Variants in FOXP2 observed in about 807,000 individuals in gnomAD.
FOXP2 encodes forkhead box protein P2.
Under a neutral mutation model 115.8 loss-of-function variants are expected in FOXP2, and 12 were observed. The observed-to-expected ratio is 0.10, with a 90% CI of 0.07 to 0.17. The LOEUF is 0.17. Ranked by LOEUF, FOXP2 falls within the 10% of genes least tolerant of loss-of-function variation. The pLI is 1.00. For synonymous variants in FOXP2, 328 were observed against 297.7 expected, an observed-to-expected ratio of 1.10 and a Z score of -1.05; for missense variants, 629 against 843.5, an observed-to-expected ratio of 0.75 and a Z score of 3.15.
intron 1 of FOXP2, among the ~76,000 whole-genome samples, chr7:114,228,741 C>G (rs1478782612): frequency 6.6e-6 from 1 of 151,132 alleles, no homozygotes; most frequent in Non-Finnish European, 1.5e-5. Context: ...GATGAAAATA[C>G]CTATAGAAGG....
At chr7:114,410,936 T>A (rs1033407183), upstream of FOXP2, among the ~76,000 whole-genome samples, 2 of 152,166 alleles carry the variant, frequency 1.3e-5, no homozygotes, top group African/African-American at 4.8e-5. Flanking sequence ...TTTATTCATT[T>A]AGGCAACAAA....
intron 2 of FOXP2, among the ~76,000 whole-genome samples, chr7:114,454,159 A>G (rs1795189557): frequency 6.6e-6 from 1 of 151,394 alleles, no homozygotes; most frequent in African/African-American, 2.4e-5. Flanking sequence ...AATGAACTCA[A>G]ACAAATTTAC....
chr7:114,690,723 A>G lies in FOXP2; in HGVS notation c.*797A>G, dbSNP rs1808622242. The stretch of plus-strand genomic sequence containing the variant: ...GTGATAAAGCTTTGTCTACCTGCAA[A>G]CACAGTCAAAGGCTACAGCTGCAAA... On this transcript the variant is annotated 3_prime_UTR_variant, in exon 17 of 17. Transcript: ENST00000350908. 1 of 454,516 alleles carries G rather than the reference A, an allele frequency of 2.2e-6. No individual in the cohort carries two copies. The highest frequency in any genetic ancestry group is 4.4e-6 in the Non-Finnish European group (1 of 226,778). The allele number at this position is 454,516 out of a possible 1,614,324, so 28.2% of individuals were successfully genotyped here.
chr7:114,196,034 G>A (rs1054425339), intron 1 of FOXP2, among the ~76,000 whole-genome samples: 4 of 151,848 alleles, frequency 2.6e-5, no homozygotes, highest in Admixed American at 6.6e-5. Flanking sequence ...TATTTATTGC[G>A]GCAGAGTCTC....
chr7:114,126,951 T>G (rs1413771754), intron 1 of FOXP2, among the ~76,000 whole-genome samples: 2 of 152,192 alleles, frequency 1.3e-5, no homozygotes, highest in East Asian at 1.9e-4. Flanking sequence ...TCATAGTTTT[T>G]GGGGTTCAGG....
intron 1 of FOXP2, among the ~76,000 whole-genome samples, chr7:114,260,741 C>G (rs1795727674): frequency 6.6e-6 from 1 of 151,944 alleles, no homozygotes; most frequent in South Asian, 2.1e-4. Context: ...TTTATTCTTT[C>G]CAATTTAAAA....
At chr7:114,362,060 A>C (rs1177674114) in intron 2 of FOXP2, among the ~76,000 whole-genome samples, 1 of 152,016 alleles carries the variant, frequency 6.6e-6, no homozygotes, top group Non-Finnish European at 1.5e-5. Context: ...TGATATGATG[A>C]AACTATGGTG....
intron 1 of FOXP2, among the ~76,000 whole-genome samples, chr7:114,145,680 G>A (rs1792352704): frequency 6.6e-6 from 1 of 151,898 alleles, no homozygotes; most frequent in Non-Finnish European, 1.5e-5. Context: ...ACTGAAGAAG[G>A]CTAAAATGCT....
rs181540189 is a variant in FOXP2 at position 114,120,294 on chromosome 7, T to G, written c.-247+32456T>G. Among the ~76,000 whole-genome samples, 4 of 152,222 alleles carry G rather than the reference T, an allele frequency of 2.6e-5. No individual in the cohort carries two copies. The East Asian group carries it at 7.7e-4, about 29-fold the overall frequency. ...CACATGCTAGGAGAAGAGAGATAAG[T>G]GTGGCTAAAGAAATTTACTGGATTA... On this transcript the variant is annotated intron_variant, in intron 1 of 19. Coordinates refer to the FOXP2 transcript ENST00000635638.
chr7:114,314,280 A>G (rs186995395), intron 2 of FOXP2, among the ~76,000 whole-genome samples: 1 of 150,048 alleles, frequency 6.7e-6, no homozygotes, highest in Non-Finnish European at 1.5e-5. Flanking sequence ...AATATATATA[A>G]TATATGAAAC....
In FOXP2 at chr7:114,426,630, C is replaced by T. The variant is rs185960561; in HGVS notation, c.119C>T (p.Thr40Ile). ...GSRDGRSSGDTSSEVSTVELL... is the reference protein window; with the variant it reads ...GSRDGRSSGDISSEVSTVELL... ...AGAGATGGAAGATCAAGTGGTGACA[C>T]CAGCTCTGAAGTAAGCACAGTAGAA... The change falls in exon 2 of 17, where the codon ACC becomes ATC. Residue 40 changes from threonine (T) to isoleucine (I), a missense_variant. Physicochemically the swap from Thr to Ile is moderately conservative, Grantham distance 89. Around this residue, in one of 9 missense-constraint regions of FOXP2, gnomAD observed 91 missense variants for 98.3 expected, o/e 0.93. Coordinates refer to ENST00000350908, the MANE Select transcript of FOXP2 (RefSeq NM_014491.4). The T allele has an allele frequency of 1.9e-6, 3 of 1,611,558 alleles. No individual in the cohort carries two copies. Among genetic ancestry groups the T allele is most frequent in the East Asian group, 4.5e-5 (2 of 44,758 alleles).
intron 2 of FOXP2, among the ~76,000 whole-genome samples, chr7:114,325,895 G>C (rs567910002): frequency 1.1e-4 from 17 of 152,154 alleles, no homozygotes; most frequent in African/African-American, 3.9e-4. Flanking sequence ...CAGATGCTTA[G>C]ACCTACAATA....
At chr7:114,247,193 T>G (rs1302564373) in intron 1 of FOXP2, among the ~76,000 whole-genome samples, 3 of 152,192 alleles carry the variant, frequency 2.0e-5, no homozygotes, top group African/African-American at 7.2e-5. Flanking sequence ...TTATGTAGTG[T>G]GTAATACAGG....
chr7:114,469,225 G>GTA (rs758568209), intron 2 of FOXP2, among the ~76,000 whole-genome samples: 67 of 151,726 alleles, frequency 4.4e-4, no homozygotes, highest in African/African-American at 5.3e-4. Context: ...TACATATATA[G>GTA]TATATATATA....
intron 2 of FOXP2, among the ~76,000 whole-genome samples, chr7:114,290,230 T>C (rs1343571863): frequency 2.0e-5 from 3 of 151,958 alleles, no homozygotes; most frequent in African/African-American, 7.2e-5. Context: ...TTTAGTTTTA[T>C]CTCCATTTCA....
Position 114,482,809 on chromosome 7 carries a change from G to A in FOXP2, c.169-51808G>A, listed in dbSNP as rs1189124450. On this transcript the variant is annotated intron_variant, in intron 2 of 16. Coordinates refer to ENST00000350908, the MANE Select transcript of FOXP2 (RefSeq NM_014491.4). ...AACTTGACTGTTGTCTAATCAATAT[G>A]TACTAATAGACAAAACAATGGAGAC... is the stretch of plus-strand genomic sequence containing the variant. 1.3e-5 allele frequency among the ~76,000 whole-genome samples: 2 copies of A among 151,580 alleles called. 1 individual carries two copies. The highest frequency in any genetic ancestry group is 1.3e-4 in the Admixed American group (2 of 15,150).
intron 2 of FOXP2, among the ~76,000 whole-genome samples, chr7:114,356,442 A>T (rs1488740748): frequency 6.6e-6 from 1 of 152,174 alleles, no homozygotes; most frequent in Non-Finnish European, 1.5e-5. Flanking sequence ...GCTAAAACTA[A>T]AAAGGTAAAA....
intron 2 of FOXP2, among the ~76,000 whole-genome samples, chr7:114,310,202 A>G (rs775204224): frequency 2.6e-5 from 4 of 152,184 alleles, no homozygotes; most frequent in Admixed American, 6.5e-5. Flanking sequence ...GCATTTAGGG[A>G]AAGTCTATAA....
chr7:114,560,626 C>T (rs1246863666), intron 3 of FOXP2, among the ~76,000 whole-genome samples: 1 of 151,186 alleles, frequency 6.6e-6, no homozygotes, highest in African/African-American at 2.4e-5. Context: ...CCCGCCTCCG[C>T]CAAAAAAAAG....
Sources: allele counts gnomAD v4.1 joint callset (sites outside exome capture counted in the v4.1 genomes callset), GRCh38; gene constraint gnomAD v4.1.1; regional missense constraint gnomAD v4.1.1; transcripts MANE v1.5; gene names NCBI Gene and HGNC (gene_info 2026-07-23, HGNC 2026-07-21).